PATL1: variants seen among roughly 807,000 people sequenced by gnomAD.
PATL1 encodes the protein protein PAT1 homolog 1.
PATL1 carries 32 observed loss-of-function variants against 100.6 expected under a neutral mutation model. The ratio of observed to expected loss-of-function variants is 0.32; its 90% CI spans 0.24 to 0.43. PATL1 has a LOEUF of 0.43. Among genes scored for constraint, PATL1 ranks in the 20% least tolerant of loss-of-function variants. The pLI, the probability that PATL1 is intolerant of heterozygous loss-of-function variation, is 1.00. For synonymous variants in PATL1, 332 were observed against 330.0 expected, an observed-to-expected ratio of 1.01 and a Z score of -0.07; for missense variants, 747 against 949.9, an observed-to-expected ratio of 0.79 and a Z score of 2.81.
In PATL1 at chr11:59,639,212, C is replaced by T; in HGVS notation, c.2142-15G>A. 1 of 1,611,926 alleles carries T rather than the reference C, an allele frequency of 6.2e-7. No homozygotes were observed. The highest frequency in any genetic ancestry group is 1.7e-5 in the Admixed American group (1 of 59,514). ...TCACCTCCGTCCTGACAGGGAAGAC[C>T]CATAATAATATCAGGAGAAAAAAAT... is the stretch of plus-strand genomic sequence containing the variant. On this transcript the variant is annotated splice_polypyrimidine_tract_variant and intron_variant, in intron 17 of 18. Transcript: ENST00000300146.
chr11:59,651,671 A>G, intron 11 of PATL1, 30 bp from the exon 12 acceptor site: 1 of 1,452,300 alleles, frequency 6.9e-7, no homozygotes, highest in Non-Finnish European at 9.5e-7. Context: ...AAAAATTCCA[A>G]CAAAATAAAA....
chr11:59,663,231 A>G (rs1861649837), intron 2 of PATL1, among the ~76,000 whole-genome samples: 1 of 151,732 alleles, frequency 6.6e-6, no homozygotes, highest in African/African-American at 2.4e-5. Flanking sequence ...CTATACTCTG[A>G]TACGGGTTAC....
chr11:59,668,540 A>C (rs939137808), intron 1 of PATL1, among the ~76,000 whole-genome samples: 5 of 151,718 alleles, frequency 3.3e-5, no homozygotes, highest in African/African-American at 1.2e-4. Context: ...ACACCTACTT[A>C]AGAAAAGCAC....
chr11:59,652,271 G>A (rs1861458552), intron 11 of PATL1, among the ~76,000 whole-genome samples, 193 bp downstream of exon 11: 1 of 151,800 alleles, frequency 6.6e-6, no homozygotes. Context: ...GACCTAAAAA[G>A]GCACATGTCA....
chr11:59,640,944 G>A (rs1008140890), intron 16 of PATL1, among the ~76,000 whole-genome samples: 1 of 152,154 alleles, frequency 6.6e-6, no homozygotes, highest in African/African-American at 2.4e-5. Context: ...GGCTGAGGCA[G>A]GTGGATCACG....
chr11:59,666,847 A>T lies in PATL1; in HGVS notation c.127+6T>A. On this transcript the variant is annotated splice_donor_region_variant and intron_variant, in intron 2 of 18. Transcript: ENST00000300146. ...GATGATATTATAAGCGAAAGATGTC[A>T]CTTACCAACTGCACCTGACCCAAAT... The T allele has an allele frequency of 6.5e-7, 1 of 1,547,156 alleles. No individual in the cohort carries two copies. Among genetic ancestry groups the T allele is most frequent in the Non-Finnish European group, 8.7e-7 (1 of 1,145,966 alleles).
At position 59,657,681 on chromosome 11, in the gene PATL1, C is replaced by G. The variant is rs368281531; in HGVS notation, c.470G>C (p.Arg157Thr). Residue 157 changes from arginine (R) to threonine (T), a missense_variant, in exon 5 of 19, where the codon AGG (arginine) becomes ACG (threonine). Around this residue, in one of 4 missense-constraint regions of PATL1, gnomAD observed 183 missense variants for 221.2 expected, o/e 0.83. Coordinates refer to ENST00000300146, the MANE Select transcript of PATL1 (RefSeq NM_152716.3). ...ATCATCTTCTGGACCCTGGGGGGGC[C>G]TCTGAGGCAAAGCATATTCTAATAC... ...VSVLEYALPQRPPQGPEDDRD... is the reference protein window; with the variant it reads ...VSVLEYALPQTPPQGPEDDRD... 49 of 1,613,416 alleles carry G rather than the reference C, an allele frequency of 3.0e-5. No individual in the cohort carries two copies. The highest frequency in any genetic ancestry group is 3.9e-5 in the Non-Finnish European group (46 of 1,179,722).
intron 14 of PATL1, among the ~76,000 whole-genome samples, chr11:59,649,082 T>C (rs1861403704): frequency 6.6e-6 from 1 of 152,210 alleles, no homozygotes; most frequent in Non-Finnish European, 1.5e-5. Flanking sequence ...TAAATGTTTG[T>C]ACATCTGATC....
intron 15 of PATL1, 99 bp from the exon 16 acceptor site, chr11:59,643,134 C>A: frequency 8.0e-7 from 1 of 1,251,442 alleles, no homozygotes; most frequent in Admixed American, 2.5e-5. Context: ...GTATATTCAA[C>A]CACTTAAGGC....
At chr11:59,661,983 T>A (rs1470041674) in intron 2 of PATL1, among the ~76,000 whole-genome samples, 1 of 152,256 alleles carries the variant, frequency 6.6e-6, no homozygotes, top group Non-Finnish European at 1.5e-5. Flanking sequence ...CATACATATC[T>A]TAGCATTTTA....
chr11:59,666,544 C>G (rs145427342), intron 2 of PATL1, among the ~76,000 whole-genome samples: 123 of 152,272 alleles, frequency 8.1e-4, no homozygotes, highest in African/African-American at 2.9e-3. Flanking sequence ...ATTTAAATCT[C>G]TCTTAAATGT....
At chr11:59,646,261 C>A (rs1861363729) in intron 15 of PATL1, among the ~76,000 whole-genome samples, 2 of 148,744 alleles carry the variant, frequency 1.3e-5, no homozygotes, top group South Asian at 2.1e-4. Context: ...TTCCCTAACT[C>A]ATTTTTCATT....
At chr11:59,656,384 T>TA (rs2134754021) in intron 6 of PATL1, 115 bp downstream of exon 6, 1 of 872,702 alleles carries the variant, frequency 1.1e-6, no homozygotes, top group East Asian at 2.7e-5. Flanking sequence ...AAGGAGATTA[T>TA]AAAAAATAGG....
intron 2 of PATL1, among the ~76,000 whole-genome samples, chr11:59,663,191 G>A (rs976924730): frequency 7.9e-5 from 12 of 152,112 alleles, no homozygotes; most frequent in Non-Finnish European, 1.8e-4. Flanking sequence ...CAAATGAAGG[G>A]AAAGAGATTA....
intron 2 of PATL1, among the ~76,000 whole-genome samples, chr11:59,661,554 A>G (rs1861624570): frequency 6.6e-6 from 1 of 152,208 alleles, no homozygotes; most frequent in East Asian, 1.9e-4. Flanking sequence ...TTTTTTAGTT[A>G]CATCCTTTAT....
chr11:59,657,428 C>A, intron 5 of PATL1, 102 bp downstream of exon 5: 1 of 1,122,828 alleles, frequency 8.9e-7, no homozygotes, highest in Non-Finnish European at 1.2e-6. Context: ...TAATCTAATG[C>A]CTACCCAAAA....
rs955238783 is a variant in PATL1 at position 59,651,570 on chromosome 11, C to G, written c.1498G>C (p.Val500Leu). ...VNNPRKMIDA[V>L]VTSRSEDDET... Reference sequence around the variant, plus strand: ...TCATCCTCACTCCGAGATGTCACAACAGCATCAATCATTTTTCGGGGATTA... The same window carrying G: ...TCATCCTCACTCCGAGATGTCACAAGAGCATCAATCATTTTTCGGGGATTA... Residue 500 changes from valine (V) to leucine (L), a missense_variant, in exon 12 of 19, where the codon GTT becomes CTT. Val to Leu is a conservative substitution (Grantham distance 32, BLOSUM62 1). Coordinates refer to ENST00000300146, the MANE Select transcript of PATL1 (RefSeq NM_152716.3). 6.2e-7 allele frequency: 1 copy of G among 1,611,576 alleles called. No individual in the cohort carries two copies. Among genetic ancestry groups the G allele is most frequent in the Non-Finnish European group, 8.5e-7 (1 of 1,178,996 alleles).
intron 2 of PATL1, among the ~76,000 whole-genome samples, chr11:59,665,734 C>T (rs922068639): frequency 4.6e-5 from 7 of 151,974 alleles, no homozygotes; most frequent in Non-Finnish European, 7.4e-5. Flanking sequence ...TGCAGTGAGC[C>T]GAGATCATGC....
chr11:59,655,219 A>T (rs1861510654), intron 8 of PATL1, among the ~76,000 whole-genome samples: 1 of 152,210 alleles, frequency 6.6e-6, no homozygotes, highest in Non-Finnish European at 1.5e-5. Context: ...AACTTCACTG[A>T]AACAGGAACT....
Sources: allele counts gnomAD v4.1 joint callset (sites outside exome capture counted in the v4.1 genomes callset), GRCh38; gene constraint gnomAD v4.1.1; regional missense constraint gnomAD v4.1.1; transcripts MANE v1.5; gene names NCBI Gene and HGNC (gene_info 2026-07-23, HGNC 2026-07-21).